Variants in SIPA1L1 observed in about 807,000 individuals in gnomAD.
SIPA1L1 encodes the protein signal induced proliferation associated 1 like 1, also known as signal-induced proliferation-associated 1-like protein 1.
In SIPA1L1, 26 loss-of-function variants were observed where a neutral mutation model predicts 162.7. The observed-to-expected ratio is 0.16, with a 90% CI of 0.12 to 0.22. SIPA1L1 has a LOEUF of 0.22. SIPA1L1 is among the 10% of genes least tolerant of loss of function. The probability of loss-of-function intolerance (pLI) is 1.00; values close to 1 mark genes in which losing one functional copy is unlikely to be tolerated. For synonymous variants in SIPA1L1, 829 were observed against 837.4 expected, an observed-to-expected ratio of 0.99 and a Z score of 0.17; for missense variants, 1,874 against 2,241.0, an observed-to-expected ratio of 0.84 and a Z score of 3.31.
intron 2 of SIPA1L1, among the ~76,000 whole-genome samples, chr14:71,467,956 A>G (rs140443120): frequency 6.6e-6 from 1 of 152,116 alleles, no homozygotes; most frequent in East Asian, 1.9e-4. Flanking sequence ...TGCCTGGCAC[A>G]TAGTAAGGAC....
intron 2 of SIPA1L1, among the ~76,000 whole-genome samples, chr14:71,417,482 A>AAAAAAAAAAAAAAAAAAAC (rs2042873220): frequency 7.2e-6 from 1 of 138,272 alleles, no homozygotes; most frequent in Non-Finnish European, 1.6e-5. Flanking sequence ...AAAAAAAAAA[A>AAAAAAAAAAAAAAAAAAAC]AAAAAAAAAA....
intron 2 of SIPA1L1, among the ~76,000 whole-genome samples, chr14:71,470,044 G>T (rs2047330353): frequency 6.6e-6 from 1 of 152,202 alleles, no homozygotes; most frequent in Non-Finnish European, 1.5e-5. Flanking sequence ...AAGGGAGCTT[G>T]ATGAAGAAAT....
chr14:71,338,675 T>C (rs1452389606), intron 2 of SIPA1L1, among the ~76,000 whole-genome samples: 1 of 152,208 alleles, frequency 6.6e-6, no homozygotes, highest in Non-Finnish European at 1.5e-5. Context: ...ATTAGGTGGC[T>C]CTTTTAGTCC....
chr14:71,379,583 C>T (rs1396154703), intron 2 of SIPA1L1: 1 of 152,306 alleles, frequency 6.6e-6, no homozygotes, highest in Non-Finnish European at 1.5e-5. Flanking sequence ...AGGCGTGAGC[C>T]ACTGCACCTG....
At chr14:71,469,647 T>C (rs2142151948) in intron 2 of SIPA1L1, among the ~76,000 whole-genome samples, 1 of 152,314 alleles carries the variant, frequency 6.6e-6, no homozygotes, top group East Asian at 1.9e-4. Flanking sequence ...TTGATGCAGG[T>C]CTGGACTTTA....
intron 5 of SIPA1L1, among the ~76,000 whole-genome samples, chr14:71,616,823 T>TTGAGGA (rs1431122112): frequency 1.3e-5 from 2 of 152,176 alleles, no homozygotes; most frequent in African/African-American, 4.8e-5. Flanking sequence ...CAGGGAAAGC[T>TTGAGGA]TGAGGATGAG....
intron 2 of SIPA1L1, among the ~76,000 whole-genome samples, chr14:71,511,365 G>T (rs2051133400): frequency 6.6e-6 from 1 of 151,922 alleles, no homozygotes; most frequent in Non-Finnish European, 1.5e-5. Context: ...GCTCACTGCT[G>T]CCTCTACCTT....
At chr14:71,459,485 TTATTAAG>T (rs1026660256) in intron 2 of SIPA1L1, among the ~76,000 whole-genome samples, 2 of 151,650 alleles carry the variant, frequency 1.3e-5, no homozygotes, top group Admixed American at 1.3e-4. Context: ...AGAGAGGAGT[TTATTAAG>T]TATTAACTTA....
chr14:71,332,764 C>G (rs894226019), intron 2 of SIPA1L1, among the ~76,000 whole-genome samples: 1 of 152,156 alleles, frequency 6.6e-6, no homozygotes, highest in Non-Finnish European at 1.5e-5. Context: ...TCTTCATTCA[C>G]TTAATAAGTC....
In SIPA1L1 at chr14:71,624,067, C is replaced by T. The variant is rs899628679; in HGVS notation, c.1649C>T (p.Ser550Leu). The T allele has an allele frequency of 1.9e-6, 3 of 1,608,762 alleles. No homozygotes were observed. The highest frequency in any genetic ancestry group is 8.5e-7 in the Non-Finnish European group (1 of 1,177,108). The change falls in exon 7 of 24, where the codon TCG (serine) becomes TTG (leucine). Residue 550 changes from serine to leucine, a missense_variant. Ser to Leu is a moderately radical substitution (Grantham distance 145). This residue lies in a region of SIPA1L1 where 685 missense variants were observed against 828.0 expected (regional missense o/e 0.83). Coordinates refer to ENST00000381232, the MANE Select transcript of SIPA1L1 (RefSeq NM_001386936.1). ...RTSELMTLRG[S>L]VLEDAIPSTA... is the part of the protein sequence containing the mutation. The stretch of plus-strand genomic sequence containing the variant: ...TTGCAGCTCATGACACTGAGAGGTT[C>T]GGTCCTGGAGGACGCCATTCCGTCG...
At chr14:71,330,310 C>A in intron 2 of SIPA1L1, 1 of 767,494 alleles carries the variant, frequency 1.3e-6, no homozygotes, top group South Asian at 1.4e-5. Context: ...GGAGAGTCCA[C>A]ATGAAGGGCT....
At chr14:71,463,287 C>T (rs993588191) in intron 2 of SIPA1L1, among the ~76,000 whole-genome samples, 1 of 152,186 alleles carries the variant, frequency 6.6e-6, no homozygotes, top group Non-Finnish European at 1.5e-5. Context: ...GGGGTTCTAC[C>T]AGCTCCTAAT....
chr14:71,718,732 A>G (rs572412515), intron 17 of SIPA1L1, among the ~76,000 whole-genome samples: 6 of 152,296 alleles, frequency 3.9e-5, no homozygotes, highest in Non-Finnish European at 5.9e-5. Flanking sequence ...GAATCATACT[A>G]TCTGCATTAA....
intron 2 of SIPA1L1, among the ~76,000 whole-genome samples, chr14:71,483,319 G>T (rs2048490735): frequency 6.6e-6 from 1 of 152,194 alleles, no homozygotes; most frequent in African/African-American, 2.4e-5. Context: ...AACGTGCTCT[G>T]TGGTATTTTA....
chr14:71,511,319 C>T (rs1459194455), intron 2 of SIPA1L1, among the ~76,000 whole-genome samples: 1 of 152,128 alleles, frequency 6.6e-6, no homozygotes, highest in Admixed American at 6.5e-5. Context: ...CAGGGTCTCA[C>T]TGTTGCCCAG....
At chr14:71,462,685 A>C (rs997949813) in intron 2 of SIPA1L1, among the ~76,000 whole-genome samples, 17 of 152,158 alleles carry the variant, frequency 1.1e-4, no homozygotes, top group African/African-American at 3.9e-4. Flanking sequence ...CTGGCATGCA[A>C]ATATCTCCCC....
At chr14:71,409,192 A>G (rs17178192) in intron 2 of SIPA1L1, among the ~76,000 whole-genome samples, 16,548 of 152,060 alleles carry the variant, frequency 0.11, 1,027 homozygotes, top group Middle Eastern at 0.27. Flanking sequence ...GTCTTCTTAC[A>G]TGTAGTCTAT....
intron 12 of SIPA1L1, among the ~76,000 whole-genome samples, chr14:71,673,787 C>A (rs978911954): frequency 6.6e-6 from 1 of 152,146 alleles, no homozygotes; most frequent in African/African-American, 2.4e-5. Context: ...TTTAATTTCA[C>A]CTGTTTTGGA....
rs372992750 is a variant in SIPA1L1, at chr14:71,724,571, T to C, written c.4449-99T>C. 1.2e-4 allele frequency: 106 copies of C among 876,392 alleles called. 1 individual carries two copies. The East Asian group carries it at 1.8e-3, about 15-fold the overall frequency. 54.3% of individuals were successfully genotyped at this position (876,392 alleles called of 1,614,324 possible). ...TATCTGTTTCTCCACATAATATTTC[T>C]CTATTGACTTATATTGACTTACATC... On this transcript the variant is annotated intron_variant, in intron 18 of 23. Transcript: ENST00000381232.
Sources: gnomAD v4.1 joint callset for allele counts (sites outside exome capture counted in the v4.1 genomes callset) on GRCh38, gnomAD v4.1.1 for gene constraint, gnomAD v4.1.1 regional missense constraint, MANE v1.5 for transcripts, NCBI Gene and HGNC (gene_info 2026-07-23, HGNC 2026-07-21) for gene names.